Variants in TMEM273 observed in about 807,000 individuals in gnomAD.
TMEM273 encodes the protein transmembrane protein 273.
In TMEM273, 19 loss-of-function variants were observed where a neutral mutation model predicts 17.9. That is an observed-to-expected ratio of 1.06 (90% CI 0.74 to 1.55). The LOEUF (loss-of-function observed/expected upper bound fraction) is 1.55, where lower values mean the gene tolerates loss of function less well. Among genes scored for constraint, TMEM273 ranks in the 40% most tolerant of loss-of-function variants. TMEM273 has a pLI of 0.00. For missense variants in TMEM273, 194 were observed against 155.6 expected, an observed-to-expected ratio of 1.25 and a Z score of -1.31; for synonymous variants, 66 against 62.0, an observed-to-expected ratio of 1.07 and a Z score of -0.31.
rs1206402564 is a variant in TMEM273, at chr10:49,165,302, A to G, written c.270-19T>C. ...CAGCTTTCTGGCAAAGAGCATTCCA[A>G]TTACAGAAAACAGCAAGTGCAAAGG... On this transcript the variant is annotated intron_variant, in intron 4 of 6. Transcript: ENST00000374153. The G allele has an allele frequency of 1.1e-5, 17 of 1,550,416 alleles. No individual in the cohort carries two copies. The highest frequency in any genetic ancestry group is 1.7e-4 in the Middle Eastern group (1 of 6,008).
chr10:49,161,283 T>C, intron 6 of TMEM273: 1 of 375,286 alleles, frequency 2.7e-6, no homozygotes, highest in South Asian at 6.4e-5. Context: ...GGCTAATTAT[T>C]AGATTGGACA....
chr10:49,183,522 T>A (rs912451785), intron 1 of TMEM273, among the ~76,000 whole-genome samples: 12 of 152,206 alleles, frequency 7.9e-5, no homozygotes, highest in East Asian at 3.8e-4. Context: ...AATAAAAAAA[T>A]TTTTTAAAAA....
intron 5 of TMEM273, among the ~76,000 whole-genome samples, chr10:49,164,547 T>C (rs1385332578): frequency 6.6e-6 from 1 of 152,202 alleles, no homozygotes; most frequent in Non-Finnish European, 1.5e-5. Context: ...TTCAGACTCC[T>C]TTGCTTAACA....
intron 3 of TMEM273, among the ~76,000 whole-genome samples, chr10:49,166,178 G>A (rs533987967): frequency 2.6e-5 from 4 of 152,262 alleles, no homozygotes; most frequent in Non-Finnish European, 2.9e-5. Flanking sequence ...AAACTGCACC[G>A]TCATTGCAGT....
chr10:49,169,271 C>A (rs577814285), intron 1 of TMEM273, among the ~76,000 whole-genome samples: 1 of 152,312 alleles, frequency 6.6e-6, no homozygotes, highest in African/African-American at 2.4e-5. Flanking sequence ...CAAAGGGAAA[C>A]AAGTGACTTC....
chr10:49,161,482 G>A, intron 6 of TMEM273, 117 bp downstream of exon 6: 2 of 1,326,710 alleles, frequency 1.5e-6, no homozygotes, highest in South Asian at 1.2e-5. Context: ...GCCATGCCAT[G>A]GTTGCCCGTC....
At chr10:49,160,830 G>A (rs949933688) in intron 6 of TMEM273, 2 of 152,112 alleles carry the variant, frequency 1.3e-5, no homozygotes, top group Non-Finnish European at 2.9e-5. Flanking sequence ...CCTAGGTGAA[G>A]GGTGTATATA....
At chr10:49,185,542 G>A (rs893905675) in intron 1 of TMEM273, among the ~76,000 whole-genome samples, 7 of 152,170 alleles carry the variant, frequency 4.6e-5, no homozygotes, top group Admixed American at 6.5e-5. Context: ...GAAGCCCAAC[G>A]TTTCCTTCAT....
chr10:49,161,237 A>T (rs1845821334), intron 6 of TMEM273: 1 of 279,656 alleles, frequency 3.6e-6, no homozygotes, highest in South Asian at 6.7e-5. Flanking sequence ...ACATGAAGAG[A>T]TGTTTGGGAA....
chr10:49,168,066 G>C (rs1377503781), intron 1 of TMEM273, 104 bp from the exon 2 acceptor site: 4 of 1,371,144 alleles, frequency 2.9e-6, no homozygotes. Context: ...TACCCACCAG[G>C]AGCACAGAGG....
intron 6 of TMEM273, among the ~76,000 whole-genome samples, chr10:49,157,992 A>G (rs542057006): frequency 6.6e-6 from 1 of 152,348 alleles, no homozygotes; most frequent in Admixed American, 6.5e-5. Flanking sequence ...TAATGCTAAC[A>G]TAATCCCCCA....
At chr10:49,186,212 C>T (rs960931768) in intron 1 of TMEM273, among the ~76,000 whole-genome samples, 1 of 152,068 alleles carries the variant, frequency 6.6e-6, no homozygotes, top group Non-Finnish European at 1.5e-5. Context: ...CTGTTTCATC[C>T]GTGTCAGCTC....
chr10:49,168,211 T>C (rs979567955), intron 1 of TMEM273, among the ~76,000 whole-genome samples: 4 of 152,138 alleles, frequency 2.6e-5, no homozygotes, highest in African/African-American at 9.7e-5. Context: ...AGACCTGAAC[T>C]CTGACCCAAG....
intron 6 of TMEM273, among the ~76,000 whole-genome samples, chr10:49,158,508 G>A (rs1845648790): frequency 6.6e-6 from 1 of 152,118 alleles, no homozygotes. Context: ...AAGAATAGCT[G>A]GAATAAAATA....
At chr10:49,163,289 A>C (rs11813206) in intron 5 of TMEM273, among the ~76,000 whole-genome samples, 1 of 150,472 alleles carries the variant, frequency 6.6e-6, no homozygotes, top group Non-Finnish European at 1.5e-5. Flanking sequence ...GAATATGTGC[A>C]TGTGTGTGTG....
In TMEM273 at chr10:49,188,307, G is replaced by T. The variant is rs1847849693; in HGVS notation, c.30C>A (p.Ile10=). 5 of 1,614,176 alleles carry T rather than the reference G, an allele frequency of 3.1e-6. No individual in the cohort carries two copies. Among genetic ancestry groups the T allele is most frequent in the Non-Finnish European group, 3.4e-6 (4 of 1,180,022 alleles). ...GTCCCCACTTACCCAGGAGGAAGAG[G>T]ATCCTCAGCATGCTGACCCCCAAGT... is the stretch of plus-strand genomic sequence containing the variant. MNLGVSMLR[I]LFLLDVGGAQ... The change falls in exon 1 of 7, where the codon ATC becomes ATA. Residue 10 remains isoleucine (I), a synonymous_variant. Transcript: ENST00000374153.
Position 49,167,256 on chromosome 10 carries a change from GC to G in TMEM273, c.98-248del, listed in dbSNP as rs1368716471. Among the ~76,000 whole-genome samples, 3 of 152,308 alleles carry G rather than the reference GC, an allele frequency of 2.0e-5. No homozygotes were observed. The East Asian group carries it at 5.8e-4, about 29-fold the overall frequency. On this transcript the variant is annotated intron_variant, in intron 2 of 6. Coordinates refer to ENST00000374153, the MANE Select transcript of TMEM273 (RefSeq NM_001288740.3). ...CCCTGAAGCTCACCTGGCTACCCCT[GC>G]CCAAAAGGTGAGTGGCTCATTTCTC...
chr10:49,183,706 A>T (rs974214879), intron 1 of TMEM273, among the ~76,000 whole-genome samples: 2 of 152,174 alleles, frequency 1.3e-5, no homozygotes, highest in Non-Finnish European at 2.9e-5. Flanking sequence ...TTGTCTGGAA[A>T]AATGGGCATG....
At chr10:49,180,976 C>A (rs2132271158) in intron 1 of TMEM273, among the ~76,000 whole-genome samples, 1 of 152,266 alleles carries the variant, frequency 6.6e-6, no homozygotes, top group East Asian at 1.9e-4. Context: ...ATAAGACTAA[C>A]CCTATTTGCA....
Sources: gnomAD v4.1 joint callset for allele counts (sites outside exome capture counted in the v4.1 genomes callset) on GRCh38, gnomAD v4.1.1 for gene constraint, MANE v1.5 for transcripts, NCBI Gene and HGNC (gene_info 2026-07-23, HGNC 2026-07-21) for gene names.